The following SBNO2 variants were observed in gnomAD, a reference collection of about 807,000 sequenced individuals.
The protein encoded by SBNO2 is protein strawberry notch homolog 2.
Under a neutral mutation model 146.3 loss-of-function variants are expected in SBNO2, and 89 were observed. That is an observed-to-expected ratio of 0.61 (90% CI 0.51 to 0.73). The LOEUF (loss-of-function observed/expected upper bound fraction) is 0.73. SBNO2 is among the 30% of genes least tolerant of loss of function. SBNO2 has a pLI of 0.00. For missense variants in SBNO2, 2,092 were observed against 2,003.7 expected, an observed-to-expected ratio of 1.04 and a Z score of -0.84; for synonymous variants, 1,147 against 892.6, an observed-to-expected ratio of 1.29 and a Z score of -5.08.
Position 1,109,428 on chromosome 19 carries a change from G to A in SBNO2, c.3217-5C>T, listed in dbSNP as rs2079724767. ...GCTGGGCTTGTTACCGCGGACCTGC[G>A]GAGGGGGGCGTTGAGGCCGCGCCCC... is the stretch of plus-strand genomic sequence containing the variant. On this transcript the variant is annotated splice_polypyrimidine_tract_variant and splice_region_variant and intron_variant, in intron 28 of 31. Transcript: ENST00000361757. This position sits in a 1 kb window ranked among gnomAD's most constrained non-coding sequence, Gnocchi z 4.2. The A allele has an allele frequency of 6.4e-7, 1 of 1,563,902 alleles. No individual in the cohort carries two copies. The highest frequency in any genetic ancestry group is 1.4e-5 in the African/African-American group (1 of 73,756).
At chr19:1,162,161 C>G (rs1190828277) in intron 1 of SBNO2, among the ~76,000 whole-genome samples, 1 of 90,834 alleles carries the variant, frequency 1.1e-5, no homozygotes, top group Non-Finnish European at 2.4e-5. Context: ...AGGTTTTATT[C>G]TTTTTTAAAA....
At position 1,122,912 on chromosome 19, in the gene SBNO2, G is replaced by C; in HGVS notation, c.762C>G (p.Ala254=). The change falls in exon 8 of 32, where the codon GCC becomes GCG. Residue 254 remains alanine, a synonymous_variant. Transcript: ENST00000361757. ...SGALSALQLE[A]ITYACQQHEV... ...CGGTCACCTGGCAGGCGTAGGTGATGGCCTCTAGCTGCAGGGCAGACAGGG... is the reference window on the plus strand; with the variant it reads ...CGGTCACCTGGCAGGCGTAGGTGATCGCCTCTAGCTGCAGGGCAGACAGGG... 4.5e-6 allele frequency: 7 copies of C among 1,552,672 alleles called. No homozygotes were observed. Among genetic ancestry groups the C allele is most frequent in the Non-Finnish European group, 6.1e-6 (7 of 1,148,894 alleles).
chr19:1,137,102 G>A (rs1411898493), intron 4 of SBNO2, among the ~76,000 whole-genome samples: 1 of 149,452 alleles, frequency 6.7e-6, no homozygotes, highest in South Asian at 2.2e-4. Flanking sequence ...CAGGCGGCAA[G>A]GGATGGGCGA....
intron 1 of SBNO2, chr19:1,168,938 G>C (rs575615300): frequency 6.6e-6 from 1 of 152,286 alleles, no homozygotes; most frequent in Non-Finnish European, 1.5e-5. Flanking sequence ...CCCAGGAAAC[G>C]CGAGTGAGCC....
chr19:1,115,883 G>C, intron 17 of SBNO2, 138 bp downstream of exon 17: 2 of 745,642 alleles, frequency 2.7e-6, no homozygotes, highest in Non-Finnish European at 4.7e-6. Flanking sequence ...GCGGAGCCTT[G>C]AGCCTGCCTG....
rs1430794214 is a variant in SBNO2, at chr19:1,110,881, G to A, written c.2892C>T (p.Ser964=). 7 of 1,613,540 alleles carry A rather than the reference G, an allele frequency of 4.3e-6. No homozygotes were observed. The highest frequency in any genetic ancestry group is 4.0e-5 in the African/African-American group (3 of 74,878). The change falls in exon 26 of 32, where the codon TCC becomes TCT. Residue 964 remains serine (S), a synonymous_variant. Transcript: ENST00000361757. The surrounding 1 kb of genome is among the most constrained non-coding windows in gnomAD (Gnocchi z 4.9). ...NGCLDVEKDC[S]ITKFLNRILG... Reference sequence around the variant, plus strand: ...GGATGCGGTTCAGGAACTTGGTGATGGAACAGTCTGGTAGGGGAGGGAGCC... The same window carrying A: ...GGATGCGGTTCAGGAACTTGGTGATAGAACAGTCTGGTAGGGGAGGGAGCC...
rs918559549 is a variant in SBNO2, at chr19:1,140,583, C to A, written c.279+6726G>T. On this transcript the variant is annotated intron_variant, in intron 4 of 31. Transcript: ENST00000361757. The surrounding 1 kb of genome is among the most constrained non-coding windows in gnomAD (Gnocchi z 4.4). ...GTGGATGCCAGCAGCGGCATCCTGG[C>A]GCAGCGTGAGCCCCAGGGGTGGGGG... 2.0e-5 allele frequency among the ~76,000 whole-genome samples: 3 copies of A among 151,650 alleles called. No homozygotes were observed. The highest frequency in any genetic ancestry group is 1.5e-5 in the Non-Finnish European group (1 of 67,864).
At chr19:1,120,811 A>G (rs1164434891) in intron 11 of SBNO2, among the ~76,000 whole-genome samples, 3 of 147,966 alleles carry the variant, frequency 2.0e-5, no homozygotes, top group Admixed American at 6.7e-5. Flanking sequence ...TGGGATTACA[A>G]GTGTGCGCCA....
intron 12 of SBNO2, 93 bp from the exon 13 acceptor site, chr19:1,119,714 C>A: frequency 8.6e-7 from 1 of 1,167,884 alleles, no homozygotes. Context: ...GACGAGGGGC[C>A]CTGCGGGGTT....
At position 1,109,427 on chromosome 19, in the gene SBNO2, C is replaced by T. The variant is rs749973216; in HGVS notation, c.3217-4G>A. 5.1e-6 allele frequency: 8 copies of T among 1,563,446 alleles called. No individual in the cohort carries two copies. The highest frequency in any genetic ancestry group is 2.3e-5 in the South Asian group (2 of 85,570). On this transcript the variant is annotated splice_polypyrimidine_tract_variant and splice_region_variant and intron_variant, in intron 28 of 31. Transcript: ENST00000361757. The surrounding 1 kb of genome is among the most constrained non-coding windows in gnomAD (Gnocchi z 4.2). ...AGCTGGGCTTGTTACCGCGGACCTG[C>T]GGAGGGGGGCGTTGAGGCCGCGCCC...
chr19:1,119,718 C>CG, intron 12 of SBNO2, 97 bp from the exon 13 acceptor site: 2 of 1,140,470 alleles, frequency 1.8e-6, no homozygotes, highest in Non-Finnish European at 2.6e-6. Flanking sequence ...AGGGGCCCTG[C>CG]GGGGTTGGAG....
chr19:1,108,741 G>A (rs757222589), intron 31 of SBNO2, 37 bp from the exon 32 acceptor site: 1 of 1,588,602 alleles, frequency 6.3e-7, no homozygotes, highest in South Asian at 1.1e-5. Context: ...CCGGCGCTGG[G>A]GGCTCGGGCC....
intron 2 of SBNO2, 99 bp downstream of exon 2, chr19:1,154,085 A>T: frequency 1.9e-6 from 1 of 533,430 alleles, no homozygotes; most frequent in Non-Finnish European, 2.8e-6. Flanking sequence ...CGCCGCGTCC[A>T]CTGGGGCAGC....
rs1286429203 is a variant in SBNO2, at chr19:1,157,471, C to T, written c.-126-3069G>A. 6.0e-5 allele frequency among the ~76,000 whole-genome samples: 9 copies of T among 150,790 alleles called. No individual in the cohort carries two copies. Among genetic ancestry groups the T allele is most frequent in the Non-Finnish European group, 1.3e-4 (9 of 67,592 alleles). On this transcript the variant is annotated intron_variant, in intron 1 of 31. Coordinates refer to ENST00000361757, the MANE Select transcript of SBNO2 (RefSeq NM_014963.3). The surrounding 1 kb of genome is among the most constrained non-coding windows in gnomAD (Gnocchi z 6.8). ...CGGCCCACCCCGAGCCTCAGAGCCACGGGCCAGCCAAACGTCCAGCGGGCA... is the reference window on the plus strand; with the variant it reads ...CGGCCCACCCCGAGCCTCAGAGCCATGGGCCAGCCAAACGTCCAGCGGGCA...
At chr19:1,164,429 G>C (rs137881178) in intron 1 of SBNO2, among the ~76,000 whole-genome samples, 277 of 15,936 alleles carry the variant, frequency 0.017, 3 homozygotes, top group South Asian at 0.047. Flanking sequence ...ACAGGAGGAG[G>C]AGGAGGAGGA....
intron 1 of SBNO2, among the ~76,000 whole-genome samples, chr19:1,160,929 T>A (rs976532061): frequency 4.6e-5 from 7 of 150,796 alleles, no homozygotes; most frequent in Admixed American, 4.6e-4. Flanking sequence ...CAAGGGGGCA[T>A]TTGCTCTGGA....
At chr19:1,152,604 G>A (rs1380340307) in intron 2 of SBNO2, among the ~76,000 whole-genome samples, 1 of 152,158 alleles carries the variant, frequency 6.6e-6, no homozygotes, top group African/African-American at 2.4e-5. Flanking sequence ...AGGGGGACAG[G>A]AGGGGTCTGG....
chr19:1,169,391 G>A (rs991385209), intron 1 of SBNO2, among the ~76,000 whole-genome samples: 1 of 152,252 alleles, frequency 6.6e-6, no homozygotes, highest in East Asian at 1.9e-4. Flanking sequence ...GCCATGCTGA[G>A]CTCTCACGGG....
At position 1,121,913 on chromosome 19, in the gene SBNO2, C is replaced by T. The variant is rs554652809; in HGVS notation, c.1149+226G>A. Among the ~76,000 whole-genome samples the T allele has an allele frequency of 4.6e-5, 7 of 152,246 alleles. No individual in the cohort carries two copies. In the South Asian group the frequency reaches 6.2e-4, roughly 14 times the overall value. On this transcript the variant is annotated intron_variant, in intron 11 of 31. Coordinates refer to ENST00000361757, the MANE Select transcript of SBNO2 (RefSeq NM_014963.3). ...CCCAGGACCAGAAAAGTCTTCTATC[C>T]GGAGTCCTAAACCCTGAGCAAAGCT...
Sources: allele counts gnomAD v4.1 joint callset (sites outside exome capture counted in the v4.1 genomes callset), GRCh38; gene constraint gnomAD v4.1.1; non-coding constraint Gnocchi (gnomAD v3.1); transcripts MANE v1.5; gene names NCBI Gene and HGNC (gene_info 2026-07-23, HGNC 2026-07-21).